Variants in GLT8D1 observed in about 807,000 individuals in gnomAD.
The protein encoded by GLT8D1 is glycosyltransferase 8 domain-containing protein 1.
In GLT8D1, 41 loss-of-function variants were observed where a neutral mutation model predicts 46.2. The observed-to-expected ratio is 0.89, with a 90% confidence interval of 0.69 to 1.15. GLT8D1 has a LOEUF of 1.15. Among genes scored for constraint, GLT8D1 ranks in the 50% most tolerant of loss-of-function variants. The pLI is 0.00. For synonymous variants in GLT8D1, 150 were observed against 154.2 expected (o/e 0.97, Z 0.20); for missense variants, 408 against 449.3 (o/e 0.91, Z 0.83).
intron 3 of GLT8D1, among the ~76,000 whole-genome samples, chr3:52,698,643 T>A (rs1192990146): frequency 6.7e-6 from 1 of 150,182 alleles, no homozygotes; most frequent in East Asian, 1.9e-4. Context: ...ACTGTACCAC[T>A]GCACTCCAGC....
Position 52,696,269 on chromosome 3 carries a change from T to G in GLT8D1, c.497A>C (p.Lys166Thr), listed in dbSNP as rs758147539. 2.4e-5 allele frequency: 38 copies of G among 1,612,334 alleles called. No homozygotes were observed. The highest frequency in any genetic ancestry group is 3.1e-5 in the Non-Finnish European group (37 of 1,178,480). Reference protein sequence around the residue: ...YLPILVPSAKKAIYMDDDVIV... With the variant: ...YLPILVPSAKTAIYMDDDVIV... ...TACATCATCATCCATGTATATGGCC[T>G]TCTTTGCGCTGGGAACCAGAATTGG... is the stretch of plus-strand genomic sequence containing the variant. Residue 166 changes from lysine to threonine, a missense_variant, in exon 6 of 10, where the codon AAG becomes ACG. Coordinates refer to ENST00000266014, the MANE Select transcript of GLT8D1 (RefSeq NM_018446.4).
At chr3:52,695,759 A>C in intron 7 of GLT8D1, 169 bp downstream of exon 7, 1 of 637,358 alleles carries the variant, frequency 1.6e-6, no homozygotes, top group Non-Finnish European at 2.8e-6. Flanking sequence ...CCAGATGTTC[A>C]AGAACAATTA....
In GLT8D1 at chr3:52,695,074, T is replaced by C. The variant is rs371184005; in HGVS notation, c.926-39A>G. On this transcript the variant is annotated intron_variant, in intron 9 of 9. Coordinates refer to ENST00000266014, the MANE Select transcript of GLT8D1 (RefSeq NM_018446.4). ...CAAAAATAGCCACATCGTTGCGCCA[T>C]GTGAAATTGTGCAGAAAACTTACTT... 5 of 1,516,944 alleles carry C rather than the reference T, an allele frequency of 3.3e-6. No individual in the cohort carries two copies. In the African/African-American group the frequency reaches 4.1e-5, roughly 12 times the overall value. The allele number at this position is 1,516,944 out of a possible 1,614,324, so 94.0% of individuals were successfully genotyped here.
intron 1 of GLT8D1, among the ~76,000 whole-genome samples, chr3:52,701,021 T>G (rs915372089): frequency 6.6e-6 from 1 of 152,116 alleles, no homozygotes; most frequent in African/African-American, 2.4e-5. Flanking sequence ...GCCGAGATCA[T>G]GCCATTGCAC....
chr3:52,704,484 GA>G (rs1428849873), intron 1 of GLT8D1, among the ~76,000 whole-genome samples: 1 of 99,326 alleles, frequency 1.0e-5, no homozygotes, highest in Non-Finnish European at 2.1e-5. Context: ...AAAAAAAAAA[GA>G]CCACACAGAG....
intron 3 of GLT8D1, among the ~76,000 whole-genome samples, chr3:52,699,183 T>C (rs1039721583): frequency 2.0e-5 from 3 of 152,164 alleles, no homozygotes; most frequent in African/African-American, 7.2e-5. Flanking sequence ...ATGAAATCAT[T>C]CAACCAACTA....
At chr3:52,695,081 T>C in intron 9 of GLT8D1, 46 bp from the exon 10 acceptor site, 1 of 1,509,760 alleles carries the variant, frequency 6.6e-7, no homozygotes. Context: ...CCATGTGAAA[T>C]TGTGCAGAAA....
chr3:52,694,935 A>C lies in GLT8D1; in HGVS notation c.1026T>G (p.Tyr342Ter), dbSNP rs375292016. ...TATACCATTTTTCCCAAACATCAGT[A>C]TATGAAGCAGTCCTTCCCCATGGCT... ...HLKPWGRTAS[Y>*]TDVWEKWYIP... The change falls in exon 10 of 10, where the codon TAT becomes TAG. Residue 342 changes from tyrosine (Y) to a stop codon, truncating the protein, a stop_gained. Transcript: ENST00000266014. LOFTEE classifies it high-confidence loss of function. 57 of 1,610,376 alleles carry C rather than the reference A, an allele frequency of 3.5e-5. No individual in the cohort carries two copies. The highest frequency in any genetic ancestry group is 4.7e-5 in the Non-Finnish European group (55 of 1,176,656).
chr3:52,701,525 C>T (rs563156858), intron 1 of GLT8D1, among the ~76,000 whole-genome samples: 27 of 152,232 alleles, frequency 1.8e-4, no homozygotes, highest in African/African-American at 6.0e-4. Flanking sequence ...TGCGCCACCA[C>T]GCCCAGCTAA....
At chr3:52,696,464 G>A in intron 5 of GLT8D1, 78 bp downstream of exon 5, 1 of 1,008,228 alleles carries the variant, frequency 9.9e-7, no homozygotes, top group Non-Finnish European at 1.6e-6. Context: ...GAAACTACTT[G>A]CACTATACCC....
chr3:52,697,449 A>G (rs1251783531), intron 4 of GLT8D1: 2 of 449,442 alleles, frequency 4.4e-6, no homozygotes, highest in Admixed American at 3.5e-5. Flanking sequence ...TCACTGAGAA[A>G]GTATTATTAT....
Position 52,695,972 on chromosome 3 carries a change from C to T in GLT8D1, c.601G>A (p.Asp201Asn). ...GHAAAFSEDC[D>N]SASTKVVIRG... ...ATGACAACTTTAGTAGAGGCTGAAT[C>T]ACAATCTTCTGAAAATGCAGCTGCA... The change falls in exon 7 of 10, where the codon GAT (aspartate) becomes AAT (asparagine). Residue 201 changes from aspartate to asparagine, a missense_variant. Coordinates refer to ENST00000266014, the MANE Select transcript of GLT8D1 (RefSeq NM_018446.4). The T allele has an allele frequency of 6.2e-7, 1 of 1,612,924 alleles. No individual in the cohort carries two copies. The highest frequency in any genetic ancestry group is 8.5e-7 in the Non-Finnish European group (1 of 1,178,894).
rs1038407600 is a variant in GLT8D1 at position 52,705,456 on chromosome 3, T to C, written c.-46A>G. ...GTAGGGCCCCCCTTACACTTTGAAG[T>C]GATCGGAAAGTGATGTGACGCTCCG... On this transcript the variant is annotated 5_prime_UTR_variant, in exon 1 of 10. Transcript: ENST00000266014. 6.6e-6 allele frequency: 1 copy of C among 152,622 alleles called. No homozygotes were observed. The highest frequency in any genetic ancestry group is 1.5e-5 in the Non-Finnish European group (1 of 68,350). 9.5% of individuals were successfully genotyped at this position (152,622 alleles called of 1,614,324 possible).
chr3:52,700,542 G>A, intron 1 of GLT8D1, 46 bp from the exon 2 acceptor site: 3 of 872,538 alleles, frequency 3.4e-6, no homozygotes, highest in Non-Finnish European at 5.4e-6. Context: ...CACATGAGAA[G>A]GGACATCAAA....
At chr3:52,701,738 T>C (rs1409286742) in intron 1 of GLT8D1, among the ~76,000 whole-genome samples, 1 of 152,236 alleles carries the variant, frequency 6.6e-6, no homozygotes, top group African/African-American at 2.4e-5. Context: ...AAGAAGGTGG[T>C]GTCTAATTGT....
At chr3:52,695,108 CAAA>C in intron 9 of GLT8D1, 73 bp from the exon 10 acceptor site, 1 of 1,431,830 alleles carries the variant, frequency 7.0e-7, no homozygotes, top group Admixed American at 1.7e-5. Context: ...TTAAGGGAAA[CAAA>C]GAATATACCC....
intron 6 of GLT8D1, 41 bp from the exon 7 acceptor site, chr3:52,696,081 T>G (rs778638312): frequency 7.3e-7 from 1 of 1,376,870 alleles, no homozygotes; most frequent in South Asian, 1.2e-5. Flanking sequence ...TTCCGTTGCC[T>G]TGAGAGTTCC....
At chr3:52,700,565 T>A in intron 1 of GLT8D1, 69 bp from the exon 2 acceptor site, 1 of 140,298 alleles carries the variant, frequency 7.1e-6, no homozygotes, top group Non-Finnish European at 1.4e-5. Context: ...GCCCTAACAC[T>A]TTTTTTTTTT....
intron 4 of GLT8D1, among the ~76,000 whole-genome samples, chr3:52,697,312 G>A (rs1272031135): frequency 1.3e-5 from 2 of 152,180 alleles, no homozygotes; most frequent in African/African-American, 4.8e-5. Flanking sequence ...ATCAGGATCT[G>A]TGATCAGCAT....
Sources: gnomAD v4.1 joint callset for allele counts (sites outside exome capture counted in the v4.1 genomes callset) on GRCh38, gnomAD v4.1.1 for gene constraint, MANE v1.5 for transcripts, NCBI Gene and HGNC (gene_info 2026-07-23, HGNC 2026-07-21) for gene names.